Variants in SCAMP4 observed in about 807,000 individuals in gnomAD.
The protein encoded by SCAMP4 is secretory carrier membrane protein 4, also known as secretory carrier-associated membrane protein 4.
Under a neutral mutation model 32.1 loss-of-function variants are expected in SCAMP4, and 19 were observed. The ratio of observed to expected loss-of-function variants is 0.59; its 90% confidence interval spans 0.41 to 0.87. The LOEUF (loss-of-function observed/expected upper bound fraction) is 0.87, where lower values mean the gene tolerates loss of function less well. Ranked by LOEUF, SCAMP4 falls within the 40% of genes least tolerant of loss-of-function variation. The pLI is 0.00. For synonymous variants in SCAMP4, 152 were observed against 132.7 expected (o/e 1.15, Z -1.00); for missense variants, 302 against 309.0 (o/e 0.98, Z 0.17).
chr19:1,917,956 G>A (rs1436148658), intron 3 of SCAMP4, 134 bp downstream of exon 3: 23 of 1,373,940 alleles, frequency 1.7e-5, no homozygotes, highest in African/African-American at 5.7e-5. Flanking sequence ...TGGTCCCTGC[G>A]GTGAACGAGG....
intron 5 of SCAMP4, chr19:1,919,201 C>T (rs1345244860): frequency 1.4e-6 from 2 of 1,415,110 alleles, no homozygotes; most frequent in Non-Finnish European, 1.8e-6. Context: ...CGATTGTAGG[C>T]ACTCTCCTAG....
intron 1 of SCAMP4, chr19:1,913,350 G>A: frequency 1.3e-6 from 1 of 792,706 alleles, no homozygotes; most frequent in South Asian, 2.0e-5. Context: ...CCCCGTGCCA[G>A]CGGTGCCCTT....
At chr19:1,922,759 T>C in intron 5 of SCAMP4, 2 of 1,039,132 alleles carry the variant, frequency 1.9e-6, no homozygotes, top group Non-Finnish European at 2.3e-6. Flanking sequence ...AGCACTGGTC[T>C]CCATTCCCTG....
chr19:1,912,793 C>T (rs2013544838), intron 1 of SCAMP4: 9 of 1,572,136 alleles, frequency 5.7e-6, no homozygotes, highest in Non-Finnish European at 6.9e-6. Context: ...GACCTCGTGG[C>T]GCGCGGCCAG....
chr19:1,912,400 G>A lies in SCAMP4; in HGVS notation c.-41-2579G>A. On this transcript the variant is annotated intron_variant, in intron 1 of 6. Coordinates refer to ENST00000316097, the MANE Select transcript of SCAMP4 (RefSeq NM_079834.4). ...CTTTGCCTGGCTGGGCCGGCCTCGG[G>A]CCCGCGCTCGCTGGCTGAGCTCCTG... is the stretch of plus-strand genomic sequence containing the variant. 5.3e-6 allele frequency: 8 copies of A among 1,515,816 alleles called. No homozygotes were observed. Among genetic ancestry groups the A allele is most frequent in the Non-Finnish European group, 6.1e-6 (7 of 1,139,200 alleles). 93.9% of individuals were successfully genotyped at this position (1,515,816 alleles called of 1,614,324 possible). A position where few individuals can be genotyped will look rare whatever the true frequency, so the allele number is the denominator to read the frequency against.
chr19:1,921,232 T>C, intron 5 of SCAMP4: 1 of 984,976 alleles, frequency 1.0e-6, no homozygotes, highest in South Asian at 4.7e-5. Context: ...TGCACTGCTG[T>C]GGGGCAAGAG....
In SCAMP4 at chr19:1,924,634, C is replaced by T. The variant is rs1295098489; in HGVS notation, c.*350C>T. On this transcript the variant is annotated 3_prime_UTR_variant, in exon 7 of 7. Transcript: ENST00000316097. ...CTCCGGGGGACAGGTGGCAGCAGGT[C>T]GGCCGCCCTCCCGTCCTCCCAGAGC... The T allele has an allele frequency of 2.4e-5, 7 of 292,112 alleles. No homozygotes were observed. Among genetic ancestry groups the T allele is most frequent in the South Asian group, 8.6e-5 (2 of 23,306 alleles). 18.1% of individuals were successfully genotyped at this position (292,112 alleles called of 1,614,324 possible).
In SCAMP4 at chr19:1,924,999, G is replaced by A. The variant is rs1345967091; in HGVS notation, c.*715G>A. On this transcript the variant is annotated 3_prime_UTR_variant, in exon 7 of 7. Coordinates refer to ENST00000316097, the MANE Select transcript of SCAMP4 (RefSeq NM_079834.4). ...GTTCAGAGTCGGGGACCCAGGCCAGGTCGGGAGCACAGCCGCTCCCCAAAC... is the reference window on the plus strand; with the variant it reads ...GTTCAGAGTCGGGGACCCAGGCCAGATCGGGAGCACAGCCGCTCCCCAAAC... The A allele has an allele frequency of 6.6e-6, 1 of 152,316 alleles. No individual in the cohort carries two copies. The highest frequency in any genetic ancestry group is 1.5e-5 in the Non-Finnish European group (1 of 68,118). 9.4% of individuals were successfully genotyped at this position (152,316 alleles called of 1,614,324 possible).
intron 1 of SCAMP4, among the ~76,000 whole-genome samples, chr19:1,913,939 G>A (rs147684038): frequency 0.017 from 2,608 of 152,298 alleles, 41 homozygotes; most frequent in Middle Eastern, 0.041. Context: ...GGGGCTCTGC[G>A]TGGGGAGCTC....
At chr19:1,913,319 T>G in intron 1 of SCAMP4, 1 of 1,077,930 alleles carries the variant, frequency 9.3e-7, no homozygotes, top group South Asian at 1.7e-5. Flanking sequence ...CGAGCTTTCC[T>G]GGACTCGGTC....
At position 1,908,757 on chromosome 19, in the gene SCAMP4, C is replaced by T. The variant is rs2013276873; in HGVS notation, c.-42+3318C>T. The T allele has an allele frequency of 2.8e-6, 1 of 360,682 alleles. No homozygotes were observed. The highest frequency in any genetic ancestry group is 5.4e-6 in the Non-Finnish European group (1 of 184,230). The allele number at this position is 360,682 out of a possible 1,614,324, so 22.3% of individuals were successfully genotyped here. A position where few individuals can be genotyped will look rare whatever the true frequency, so the allele number is the denominator to read the frequency against. On this transcript the variant is annotated intron_variant, in intron 1 of 6. Transcript: ENST00000316097. The surrounding 1 kb of genome is among the most constrained non-coding windows in gnomAD (Gnocchi z 4.2). ...TAAGTGATCCTCTCGCCTTGGTCTC[C>T]TGAGTAGCTGGGACTACATGTGCAC...
intron 2 of SCAMP4, chr19:1,915,353 C>T (rs1292511451): frequency 1.8e-5 from 8 of 443,674 alleles, no homozygotes; most frequent in Admixed American, 3.8e-5. Context: ...CACTCATTTA[C>T]TGGCAGCCTT....
intron 5 of SCAMP4, chr19:1,920,226 C>T (rs746818902): frequency 6.5e-5 from 64 of 985,352 alleles, no homozygotes; most frequent in East Asian, 4.5e-4. Flanking sequence ...CTTGGCACGG[C>T]GGGAGCTCCC....
At chr19:1,907,859 A>G (rs1034426870) in intron 1 of SCAMP4, among the ~76,000 whole-genome samples, 1 of 152,100 alleles carries the variant, frequency 6.6e-6, no homozygotes, top group East Asian at 1.9e-4. Context: ...CCCCCGGGCC[A>G]TAGCAGGTAG....
At chr19:1,922,645 G>A (rs536419955) in intron 5 of SCAMP4, 176 of 986,784 alleles carry the variant, frequency 1.8e-4, no homozygotes, top group Non-Finnish European at 2.0e-4. Context: ...CCCATCATTA[G>A]ACACAGTTGC....
chr19:1,918,044 C>T (rs2013791369), intron 3 of SCAMP4, 83 bp from the exon 4 acceptor site: 16 of 1,512,394 alleles, frequency 1.1e-5, no homozygotes, highest in East Asian at 4.6e-5. Flanking sequence ...AGGCGGACAG[C>T]GGGTGCCCCA....
intron 1 of SCAMP4, chr19:1,913,047 G>A: frequency 1.2e-6 from 2 of 1,603,590 alleles, no homozygotes; most frequent in Non-Finnish European, 1.7e-6. Flanking sequence ...CGGCGCCCTG[G>A]GCACCCGCTT....
chr19:1,922,940 C>T (rs7259322), intron 5 of SCAMP4, 130 bp from the exon 6 acceptor site: 3 of 1,342,658 alleles, frequency 2.2e-6, no homozygotes, highest in Non-Finnish European at 2.9e-6. Flanking sequence ...GCCACTTGGT[C>T]GTCCTTGTAT....
At chr19:1,907,090 G>A (rs1011374332) in intron 1 of SCAMP4, 2 of 151,470 alleles carry the variant, frequency 1.3e-5, no homozygotes, top group Non-Finnish European at 2.9e-5. Context: ...GGGAGGCTAA[G>A]GCAGGAGAAT....
Sources: gnomAD v4.1 joint callset for allele counts (sites outside exome capture counted in the v4.1 genomes callset) on GRCh38, gnomAD v4.1.1 for gene constraint, Gnocchi (gnomAD v3.1) non-coding constraint, MANE v1.5 for transcripts, NCBI Gene and HGNC (gene_info 2026-07-23, HGNC 2026-07-21) for gene names.